The following ADGRD1 variants were observed in gnomAD, a reference collection of about 807,000 sequenced individuals.
The protein encoded by ADGRD1 is G-protein coupled receptor 133.
ADGRD1 carries 77 observed loss-of-function variants against 113.4 expected under a neutral mutation model. The observed-to-expected ratio is 0.68, with a 90% CI of 0.57 to 0.82. The LOEUF is 0.82. Ranked by LOEUF, ADGRD1 falls within the 40% of genes least tolerant of loss-of-function variation. The probability of loss-of-function intolerance (pLI) is 0.00; values close to 1 mark genes in which losing one functional copy is unlikely to be tolerated. For missense variants in ADGRD1, 1,036 were observed against 1,139.1 expected, an observed-to-expected ratio of 0.91 and a Z score of 1.30; for synonymous variants, 474 against 475.0, an observed-to-expected ratio of 1.00 and a Z score of 0.03.
chr12:131,067,615 C>A (rs952360238), intron 13 of ADGRD1, among the ~76,000 whole-genome samples: 35 of 139,508 alleles, frequency 2.5e-4, no homozygotes, highest in African/African-American at 8.3e-4. Flanking sequence ...TATGTCTGAT[C>A]GCTGTGCCCC....
chr12:131,048,921 G>A (rs910974865), intron 13 of ADGRD1, among the ~76,000 whole-genome samples: 6 of 152,304 alleles, frequency 3.9e-5, no homozygotes, highest in African/African-American at 1.4e-4. Flanking sequence ...CAGGGCAAGA[G>A]GAGGGGTCTG....
At chr12:131,046,296 G>T (rs1882746406) in intron 13 of ADGRD1, among the ~76,000 whole-genome samples, 4 of 136,478 alleles carry the variant, frequency 2.9e-5, no homozygotes, top group South Asian at 2.4e-4. Context: ...TCCCTCCCTG[G>T]TCAGTGCTCC....
intron 13 of ADGRD1, chr12:131,069,067 T>G (rs897801593): frequency 6.6e-5 from 10 of 152,170 alleles, no homozygotes; most frequent in Non-Finnish European, 1.2e-4. Flanking sequence ...TGGCCTTCCA[T>G]GTTCTGGGAG....
At chr12:131,017,473 CCAGTCCACACACAAT>C (rs1171642509) in intron 13 of ADGRD1, among the ~76,000 whole-genome samples, 6 of 148,198 alleles carry the variant, frequency 4.0e-5, no homozygotes, top group South Asian at 2.2e-4. Flanking sequence ...ACACACACAC[CCAGTCCACACACAAT>C]CAGTCCACAC....
In ADGRD1 at chr12:131,100,641, C is replaced by T. The variant is rs546077582; in HGVS notation, c.1672-4190C>T. Among the ~76,000 whole-genome samples, 6 of 152,106 alleles carry T rather than the reference C, an allele frequency of 3.9e-5. No homozygotes were observed. In the South Asian group the frequency reaches 8.3e-4, roughly 21 times the overall value. ...ATGGTTGGTTGGCGATAAGGTTGAT[C>T]GATAATATGGTTGGAAGGCTTAAGG... On this transcript the variant is annotated intron_variant, in intron 15 of 24. Coordinates refer to ENST00000261654, the MANE Select transcript of ADGRD1 (RefSeq NM_198827.5).
intron 13 of ADGRD1, among the ~76,000 whole-genome samples, chr12:131,066,832 C>T (rs1027746138): frequency 6.6e-6 from 1 of 152,150 alleles, no homozygotes; most frequent in African/African-American, 2.4e-5. Context: ...GTCTGAGGAG[C>T]GGCCAGGAGG....
At chr12:131,013,474 C>A (rs368648885) in intron 12 of ADGRD1, among the ~76,000 whole-genome samples, 1 of 152,066 alleles carries the variant, frequency 6.6e-6, no homozygotes, top group East Asian at 1.9e-4. Context: ...CCTCATTCTC[C>A]CCCCACCTCG....
intron 13 of ADGRD1, among the ~76,000 whole-genome samples, chr12:131,042,071 C>T (rs1882188669): frequency 6.6e-6 from 1 of 152,240 alleles, no homozygotes; most frequent in Admixed American, 6.5e-5. Flanking sequence ...GGGGCAGTTG[C>T]CCAGCAGGTG....
intron 8 of ADGRD1, among the ~76,000 whole-genome samples, chr12:130,998,964 T>A (rs1360463320): frequency 6.6e-6 from 1 of 152,266 alleles, no homozygotes; most frequent in East Asian, 1.9e-4. Flanking sequence ...GGGAAATATC[T>A]AATTAGTAAT....
intron 13 of ADGRD1, among the ~76,000 whole-genome samples, chr12:131,045,089 GA>G (rs893080059): frequency 6.6e-6 from 1 of 152,254 alleles, no homozygotes; most frequent in African/African-American, 2.4e-5. Flanking sequence ...ATCCGAATGC[GA>G]ATGGCTGCTG....
At chr12:131,051,674 C>T (rs1335278797) in intron 13 of ADGRD1, among the ~76,000 whole-genome samples, 1 of 151,960 alleles carries the variant, frequency 6.6e-6, no homozygotes, top group East Asian at 1.9e-4. Context: ...TTAGTAGAGG[C>T]GGGGTTTTAC....
chr12:131,047,374 A>G (rs976798511), intron 13 of ADGRD1, among the ~76,000 whole-genome samples: 11 of 152,166 alleles, frequency 7.2e-5, no homozygotes, highest in Non-Finnish European at 1.6e-4. Flanking sequence ...AGCCTGGACA[A>G]TGGGGGGACA....
chr12:131,129,740 G>C (rs1397291878), intron 20 of ADGRD1, among the ~76,000 whole-genome samples: 1 of 152,226 alleles, frequency 6.6e-6, no homozygotes, highest in Non-Finnish European at 1.5e-5. Context: ...TAGAAACAAA[G>C]GCATGCACAC....
chr12:131,126,752 G>A (rs186311215), intron 20 of ADGRD1, among the ~76,000 whole-genome samples: 1 of 152,282 alleles, frequency 6.6e-6, no homozygotes, highest in African/African-American at 2.4e-5. Flanking sequence ...AGGCCTGTGA[G>A]TTGTTTCTTT....
intron 8 of ADGRD1, chr12:130,994,294 C>G (rs557642253): frequency 2.1e-4 from 93 of 446,352 alleles, no homozygotes; most frequent in African/African-American, 1.7e-3. Context: ...TACGAACACT[C>G]TTGTTTTTGT....
intron 18 of ADGRD1, among the ~76,000 whole-genome samples, chr12:131,109,989 T>C (rs917425766): frequency 1.3e-5 from 2 of 152,254 alleles, no homozygotes; most frequent in Non-Finnish European, 2.9e-5. Context: ...TTAAAGTCTG[T>C]TCGTCCCATA....
intron 21 of ADGRD1, among the ~76,000 whole-genome samples, chr12:131,132,183 A>G (rs781223396): frequency 7.2e-5 from 11 of 152,142 alleles, no homozygotes; most frequent in Non-Finnish European, 1.6e-4. Context: ...GGGCTCAGCG[A>G]GTTTAGCCCC....
At position 130,987,151 on chromosome 12, in the gene ADGRD1, T is replaced by A; in HGVS notation, c.547T>A (p.Tyr183Asn). The change falls in exon 6 of 25, where the codon TAC (tyrosine) becomes AAC (asparagine). Residue 183 changes from tyrosine to asparagine, a missense_variant. Coordinates refer to ENST00000261654, the MANE Select transcript of ADGRD1 (RefSeq NM_198827.5). ...GAAATCCAAGGAGGGCCTGAAAGTC[T>A]ACGTCAACGGGACCCTGAGCACCTC... Reference protein sequence around the residue: ...TWKSKEGLKVYVNGTLSTSDP... With the variant: ...TWKSKEGLKVNVNGTLSTSDP... 1 of 1,614,068 alleles carries A rather than the reference T, an allele frequency of 6.2e-7. No individual in the cohort carries two copies. Among genetic ancestry groups the A allele is most frequent in the Non-Finnish European group, 8.5e-7 (1 of 1,179,870 alleles).
At chr12:131,128,149 A>G (rs1477171117) in intron 20 of ADGRD1, among the ~76,000 whole-genome samples, 4 of 142,660 alleles carry the variant, frequency 2.8e-5, no homozygotes, top group African/African-American at 1.1e-4. Flanking sequence ...TTGTGATGGG[A>G]TTCTGAGCTC....
Sources: gnomAD v4.1 joint callset for allele counts (sites outside exome capture counted in the v4.1 genomes callset) on GRCh38, gnomAD v4.1.1 for gene constraint, MANE v1.5 for transcripts, NCBI Gene and HGNC (gene_info 2026-07-23, HGNC 2026-07-21) for gene names.